The following STK10 variants were observed in gnomAD, a reference collection of about 807,000 sequenced individuals.
STK10 encodes the protein serine/threonine-protein kinase 10.
In STK10, 78 loss-of-function variants were observed where a neutral mutation model predicts 113.8. The ratio of observed to expected loss-of-function variants is 0.69; its 90% CI spans 0.57 to 0.83. The LOEUF (loss-of-function observed/expected upper bound fraction) is 0.83, where lower values mean the gene tolerates loss of function less well. Among genes scored for constraint, STK10 ranks in the 40% least tolerant of loss-of-function variants. The pLI, the probability that STK10 is intolerant of heterozygous loss-of-function variation, is 0.00. For synonymous variants in STK10, 465 were observed against 494.7 expected, an observed-to-expected ratio of 0.94 and a Z score of 0.80; for missense variants, 1,109 against 1,280.1, an observed-to-expected ratio of 0.87 and a Z score of 2.04.
At chr5:172,141,753 A>G (rs1769976565) in intron 2 of STK10, among the ~76,000 whole-genome samples, 1 of 152,042 alleles carries the variant, frequency 6.6e-6, no homozygotes, top group African/African-American at 2.4e-5. Flanking sequence ...CTCAGCCTAT[A>G]TGCGCTCTCA....
intron 10 of STK10, among the ~76,000 whole-genome samples, chr5:172,085,833 G>A (rs991251670): frequency 6.6e-6 from 1 of 152,170 alleles, no homozygotes; most frequent in African/African-American, 2.4e-5. Context: ...GGGTCCGTGA[G>A]GCCTGTGTCC....
intron 12 of STK10, among the ~76,000 whole-genome samples, chr5:172,065,517 G>A (rs1360505958): frequency 1.3e-5 from 2 of 152,084 alleles, no homozygotes; most frequent in Admixed American, 1.3e-4. Context: ...GTGCCACCGC[G>A]CCTGGCCGAG....
At chr5:172,123,707 G>C (rs1769562793) in intron 3 of STK10, among the ~76,000 whole-genome samples, 1 of 152,134 alleles carries the variant, frequency 6.6e-6, no homozygotes, top group African/African-American at 2.4e-5. Context: ...GTGCCATGTG[G>C]AGCTTTTCTG....
At chr5:172,142,683 A>G (rs995078581) in intron 2 of STK10, among the ~76,000 whole-genome samples, 1 of 152,252 alleles carries the variant, frequency 6.6e-6, no homozygotes, top group Admixed American at 6.5e-5. Context: ...AACAAAAGAC[A>G]TTGCCTGGTA....
Position 172,188,048 on chromosome 5 carries a change from G to A in STK10, c.-6C>T, listed in dbSNP as rs1420078139. The A allele has an allele frequency of 2.5e-6, 4 of 1,610,612 alleles. No homozygotes were observed. Among genetic ancestry groups the A allele is most frequent in the Admixed American group, 1.7e-5 (1 of 59,814 alleles). On this transcript the variant is annotated 5_prime_UTR_variant, in exon 1 of 19. Transcript: ENST00000176763. The surrounding 1 kb of genome is among the most constrained non-coding windows in gnomAD (Gnocchi z 5.6). ...CGGAAATTGGCAAAAGCCATGGCCGGGGGCGCGGTGGCGCCGGCTCGGGCT... is the reference window on the plus strand; with the variant it reads ...CGGAAATTGGCAAAAGCCATGGCCGAGGGCGCGGTGGCGCCGGCTCGGGCT...
chr5:172,141,606 AG>A (rs1769973349), intron 2 of STK10, among the ~76,000 whole-genome samples: 2 of 151,916 alleles, frequency 1.3e-5, no homozygotes, highest in Non-Finnish European at 2.9e-5. Flanking sequence ...AAAATTTAAA[AG>A]AGAGAAAAAT....
In STK10 at chr5:172,123,142, T is replaced by G. The variant is rs566574962; in HGVS notation, c.370+4231A>C. Among the ~76,000 whole-genome samples the G allele has an allele frequency of 2.6e-5, 4 of 152,302 alleles. No individual in the cohort carries two copies. The East Asian group carries it at 7.7e-4, about 29-fold the overall frequency. On this transcript the variant is annotated intron_variant, in intron 3 of 18. Transcript: ENST00000176763. ...CCCCTGGGCCCCAAGCTCAGGCCAG[T>G]AATGCTTCCCAGCCATGCGGGGCAA... is the stretch of plus-strand genomic sequence containing the variant.
chr5:172,139,584 G>A (rs1313838534), intron 2 of STK10, among the ~76,000 whole-genome samples: 3 of 151,420 alleles, frequency 2.0e-5, no homozygotes. Flanking sequence ...ATGCCAACAA[G>A]ACCAATCAAT....
chr5:172,127,902 A>T (rs1040149528), intron 2 of STK10, among the ~76,000 whole-genome samples: 1 of 152,226 alleles, frequency 6.6e-6, no homozygotes, highest in Non-Finnish European at 1.5e-5. Flanking sequence ...CTGGCTCAGA[A>T]CATCAGGGCC....
At chr5:172,085,253 GAAAA>G (rs1160966090) in intron 10 of STK10, among the ~76,000 whole-genome samples, 2 of 148,720 alleles carry the variant, frequency 1.3e-5, no homozygotes, top group Non-Finnish European at 3.0e-5. Context: ...GTTAAAAAAA[GAAAA>G]AAAAATTGAC....
In STK10 at chr5:172,093,722, G is replaced by A. The variant is rs1486532534; in HGVS notation, c.1244C>T (p.Pro415Leu). 1 of 1,614,112 alleles carries A rather than the reference G, an allele frequency of 6.2e-7. No homozygotes were observed. The highest frequency in any genetic ancestry group is 8.5e-7 in the Non-Finnish European group (1 of 1,179,932). ...CTGAATTCTGGCATCCATTGACACG[G>A]GTCGGGACTTCCGCAGGGGCACAGG... The part of the protein sequence containing the change: ...AVPVPLRKSR[P>L]VSMDARIQVA... Residue 415 changes from proline (P) to leucine (L), a missense_variant, in exon 9 of 19, where the codon CCC becomes CTC. This residue lies in a region of STK10 where 885 missense variants were observed against 991.1 expected (regional missense o/e 0.89). Transcript: ENST00000176763. This position sits in a 1 kb window ranked among gnomAD's most constrained non-coding sequence, Gnocchi z 4.1.
rs544832192 is a variant in STK10, at chr5:172,171,982, A to G, written c.157-15194T>C. Among the ~76,000 whole-genome samples, 108 of 152,264 alleles carry G rather than the reference A, an allele frequency of 7.1e-4. 1 individual carries two copies. The highest frequency in any genetic ancestry group is 7.1e-3 in the Admixed American group (108 of 15,288). On this transcript the variant is annotated intron_variant, in intron 1 of 18. Coordinates refer to ENST00000176763, the MANE Select transcript of STK10 (RefSeq NM_005990.4). ...GGAGGTGGGTGGATCACCTGAAGTCAGGAGTTTGAGACCAGCCTGACCAAC... is the reference window on the plus strand; with the variant it reads ...GGAGGTGGGTGGATCACCTGAAGTCGGGAGTTTGAGACCAGCCTGACCAAC...
Position 172,059,549 on chromosome 5 carries a change from A to C in STK10, c.2212+1590T>G, listed in dbSNP as rs531567739. Among the ~76,000 whole-genome samples the C allele has an allele frequency of 3.3e-5, 5 of 152,120 alleles. No individual in the cohort carries two copies. In the East Asian group the frequency reaches 7.7e-4, roughly 23 times the overall value. On this transcript the variant is annotated intron_variant, in intron 14 of 18. Transcript: ENST00000176763. ...TAACATCTGCCAGCCATAGAGATGGAAGACCCAAGGGCTCCATAAAGACCC... is the reference window on the plus strand; with the variant it reads ...TAACATCTGCCAGCCATAGAGATGGCAGACCCAAGGGCTCCATAAAGACCC...
rs1581126360 is a variant in STK10 at position 172,044,841 on chromosome 5, C to G, written c.*41G>C. 1 of 1,613,814 alleles carries G rather than the reference C, an allele frequency of 6.2e-7. No homozygotes were observed. Among genetic ancestry groups the G allele is most frequent in the South Asian group, 1.1e-5 (1 of 91,074 alleles). ...TTCACAGAGAATGAAGGAGAAGGCC[C>G]TGGGGCCCACCAAGCTGCCAGCCAC... On this transcript the variant is annotated 3_prime_UTR_variant, in exon 19 of 19. Transcript: ENST00000176763. This position sits in a 1 kb window ranked among gnomAD's most constrained non-coding sequence, Gnocchi z 4.5.
chr5:172,121,044 T>C (rs1769500347), intron 3 of STK10, among the ~76,000 whole-genome samples: 1 of 151,696 alleles, frequency 6.6e-6, no homozygotes. Context: ...TTTTTTTTTT[T>C]TTGAGATGGA....
intron 1 of STK10, among the ~76,000 whole-genome samples, chr5:172,175,922 G>A (rs1770751310): frequency 6.6e-6 from 1 of 152,092 alleles, no homozygotes; most frequent in Non-Finnish European, 1.5e-5. Context: ...ACCTTTCATG[G>A]GGATACGAGA....
chr5:172,166,561 GA>G (rs563888285), intron 1 of STK10, among the ~76,000 whole-genome samples: 14 of 152,288 alleles, frequency 9.2e-5, no homozygotes, highest in African/African-American at 3.1e-4. Context: ...CTAGGATTTG[GA>G]GACCTACATG....
At chr5:172,158,847 G>C (rs548618325) in intron 1 of STK10, among the ~76,000 whole-genome samples, 1 of 152,244 alleles carries the variant, frequency 6.6e-6, no homozygotes, top group Admixed American at 6.5e-5. Flanking sequence ...TGAAATCATA[G>C]AAGTGGAAAG....
intron 5 of STK10, 67 bp downstream of exon 5, chr5:172,107,713 G>T: frequency 1.3e-6 from 2 of 1,524,206 alleles, no homozygotes; most frequent in Admixed American, 3.4e-5. Context: ...TGTCTAAAGC[G>T]CCTGGTGGTC....
Sources: gnomAD v4.1 joint callset for allele counts (sites outside exome capture counted in the v4.1 genomes callset) on GRCh38, gnomAD v4.1.1 for gene constraint, gnomAD v4.1.1 regional missense constraint, Gnocchi (gnomAD v3.1) non-coding constraint, MANE v1.5 for transcripts, NCBI Gene and HGNC (gene_info 2026-07-23, HGNC 2026-07-21) for gene names.